Variants in TAFA2 observed in about 807,000 individuals in gnomAD.
TAFA2 encodes TAFA chemokine like family member 2.
TAFA2 carries 7 observed loss-of-function variants against 18.8 expected under a neutral mutation model. The ratio of observed to expected loss-of-function variants is 0.37; its 90% CI spans 0.21 to 0.70. The LOEUF (loss-of-function observed/expected upper bound fraction) is 0.70. TAFA2 is among the 30% of genes least tolerant of loss of function. The probability of loss-of-function intolerance (pLI) is 0.53; values close to 1 mark genes in which losing one functional copy is unlikely to be tolerated. For missense variants in TAFA2, 122 were observed against 158.1 expected, an observed-to-expected ratio of 0.77 and a Z score of 1.23; for synonymous variants, 60 against 54.2, an observed-to-expected ratio of 1.11 and a Z score of -0.47.
chr12:61,975,057 C>T (rs1375000830), intron 1 of TAFA2, among the ~76,000 whole-genome samples: 1 of 151,456 alleles, frequency 6.6e-6, no homozygotes, highest in Admixed American at 6.6e-5. Flanking sequence ...CTAAGGTGCA[C>T]AAAGTGATGT....
chr12:62,049,484 T>C (rs1014099537), intron 1 of TAFA2, among the ~76,000 whole-genome samples: 36 of 152,078 alleles, frequency 2.4e-4, no homozygotes, highest in South Asian at 8.3e-4. Context: ...ATCCATGAGT[T>C]TGGATGAGGT....
intron 2 of TAFA2, among the ~76,000 whole-genome samples, chr12:61,811,688 T>C (rs1871877022): frequency 6.6e-6 from 1 of 151,372 alleles, no homozygotes; most frequent in Non-Finnish European, 1.5e-5. Flanking sequence ...CAGAGCATAC[T>C]CTTCGTAGAA....
At chr12:61,714,233 A>G (rs892679522) in intron 4 of TAFA2, among the ~76,000 whole-genome samples, 1 of 152,112 alleles carries the variant, frequency 6.6e-6, no homozygotes, top group Non-Finnish European at 1.5e-5. Context: ...CGCTATAATC[A>G]CTATCTCAGT....
chr12:62,012,997 G>A (rs144001801), intron 1 of TAFA2, among the ~76,000 whole-genome samples: 14 of 152,126 alleles, frequency 9.2e-5, no homozygotes, highest in African/African-American at 2.4e-4. Flanking sequence ...TTAATTTCTC[G>A]CCCAAGAGGA....
At chr12:61,874,059 T>C (rs1874736362) in intron 1 of TAFA2, among the ~76,000 whole-genome samples, 1 of 152,170 alleles carries the variant, frequency 6.6e-6, no homozygotes, top group Non-Finnish European at 1.5e-5. Flanking sequence ...TTCTTTTCAC[T>C]TCATATCATA....
chr12:62,062,809 AGG>A (rs1882386222), intron 1 of TAFA2, among the ~76,000 whole-genome samples: 3 of 152,198 alleles, frequency 2.0e-5, no homozygotes, highest in Non-Finnish European at 4.4e-5. Context: ...TGAATAGTGG[AGG>A]TAACCATTTT....
At chr12:61,917,483 T>C (rs890217427) in intron 1 of TAFA2, among the ~76,000 whole-genome samples, 3 of 152,142 alleles carry the variant, frequency 2.0e-5, no homozygotes, top group Non-Finnish European at 2.9e-5. Flanking sequence ...ACACATTCCA[T>C]TGATTAGTTA....
At chr12:61,887,061 A>C (rs1191878628) in intron 1 of TAFA2, among the ~76,000 whole-genome samples, 1 of 152,266 alleles carries the variant, frequency 6.6e-6, no homozygotes, top group Non-Finnish European at 1.5e-5. Flanking sequence ...CCTGCTCATA[A>C]TAAATGCTCA....
At chr12:62,253,800 T>C (rs2062925972) in intron 1 of TAFA2, 1 of 152,356 alleles carries the variant, frequency 6.6e-6, no homozygotes, top group South Asian at 2.1e-4. Context: ...TTTAAAGTAA[T>C]ATATTCACAA....
chr12:61,880,504 G>T (rs11174212), intron 1 of TAFA2: 9,281 of 527,654 alleles, frequency 0.018, 153 homozygotes, highest in East Asian at 0.056. Flanking sequence ...ACAAGAAGCT[G>T]CTGGAGGGTG....
At chr12:62,164,317 G>T (rs1172677833) in intron 1 of TAFA2, among the ~76,000 whole-genome samples, 1 of 152,106 alleles carries the variant, frequency 6.6e-6, no homozygotes, top group African/African-American at 2.4e-5. Context: ...GAGAACTTAA[G>T]ATCCATTTTT....
intron 1 of TAFA2, among the ~76,000 whole-genome samples, chr12:62,125,064 T>C (rs1454697999): frequency 2.6e-5 from 4 of 152,098 alleles, no homozygotes; most frequent in Non-Finnish European, 5.9e-5. Flanking sequence ...AGATGGGTGA[T>C]AGTGAACTTT....
intron 1 of TAFA2, among the ~76,000 whole-genome samples, chr12:62,027,978 T>C (rs755623012): frequency 2.6e-4 from 39 of 152,146 alleles, no homozygotes; most frequent in African/African-American, 6.5e-4. Context: ...TCGTTTTCTA[T>C]GTTGAAGGAC....
chr12:62,235,200 G>T lies in TAFA2; in HGVS notation c.-130+23563C>A, dbSNP rs1303448677. On this transcript the variant is annotated intron_variant, in intron 1 of 5. Coordinates refer to the TAFA2 transcript ENST00000551619. The stretch of plus-strand genomic sequence containing the variant: ...ACAGTAAATCATCCGGAAAGGAGTG[G>T]GAGTCGCTTAGGGGCAGTAGCTCAC... The T allele has an allele frequency of 4.5e-5, 30 of 663,196 alleles. 1 individual carries two copies. The Middle Eastern group carries it at 7.9e-4, about 17-fold the overall frequency. 41.1% of individuals were successfully genotyped at this position (663,196 alleles called of 1,614,324 possible).
Position 61,709,043 on chromosome 12 carries a change from T to C in TAFA2, c.*1363A>G, listed in dbSNP as rs1369954470. 6.6e-6 allele frequency: 1 copy of C among 152,548 alleles called. No individual in the cohort carries two copies. Among genetic ancestry groups the C allele is most frequent in the Non-Finnish European group, 1.5e-5 (1 of 67,996 alleles). The allele number at this position is 152,548 out of a possible 1,614,324, so 9.4% of individuals were successfully genotyped here. A position where few individuals can be genotyped will look rare whatever the true frequency, so the allele number is the denominator to read the frequency against. On this transcript the variant is annotated 3_prime_UTR_variant, in exon 5 of 5. Coordinates refer to ENST00000416284, the MANE Select transcript of TAFA2 (RefSeq NM_178539.5). Reference sequence around the variant, plus strand: ...AACACAGAAATCCTTCTCCTTGCATTCCTTCAAACTATAGGTTTACACAAT... The same window carrying C: ...AACACAGAAATCCTTCTCCTTGCATCCCTTCAAACTATAGGTTTACACAAT...
chr12:61,756,822 A>G (rs1331020876), intron 2 of TAFA2, among the ~76,000 whole-genome samples: 1 of 152,106 alleles, frequency 6.6e-6, no homozygotes, highest in Admixed American at 6.6e-5. Flanking sequence ...AATAATGAGA[A>G]GGAAGTCTCT....
At chr12:62,038,310 A>G (rs1377625572) in intron 1 of TAFA2, among the ~76,000 whole-genome samples, 1 of 152,232 alleles carries the variant, frequency 6.6e-6, no homozygotes, top group Admixed American at 6.5e-5. Flanking sequence ...CTATTTCACT[A>G]TATGTATATT....
chr12:62,168,796 C>T (rs556018011), intron 1 of TAFA2, among the ~76,000 whole-genome samples: 14 of 152,032 alleles, frequency 9.2e-5, no homozygotes, highest in Non-Finnish European at 1.9e-4. Flanking sequence ...ATGATTGCAC[C>T]ACTGCACTCC....
chr12:61,742,750 C>G (rs949234480), intron 4 of TAFA2, among the ~76,000 whole-genome samples: 1 of 152,052 alleles, frequency 6.6e-6, no homozygotes, highest in East Asian at 1.9e-4. Flanking sequence ...ACTATTGCAA[C>G]AATAAGTCAA....
Sources: allele counts gnomAD v4.1 joint callset (sites outside exome capture counted in the v4.1 genomes callset), GRCh38; gene constraint gnomAD v4.1.1; transcripts MANE v1.5; gene names NCBI Gene and HGNC (gene_info 2026-07-23, HGNC 2026-07-21).